ZNF676: variants seen among roughly 807,000 people sequenced by gnomAD.
The protein encoded by ZNF676 is zinc finger protein 676.
A neutral mutation model predicts 6.0 loss-of-function variants in ZNF676; 4 were observed. The ratio of observed to expected loss-of-function variants is 0.67; its 90% CI spans 0.33 to 1.53. The LOEUF is 1.53. Ranked by LOEUF, ZNF676 falls within the 40% of genes most tolerant of loss-of-function variation. The pLI is 0.06. For synonymous variants in ZNF676, 198 were observed against 223.1 expected, an observed-to-expected ratio of 0.89 and a Z score of 1.00; for missense variants, 644 against 679.7, an observed-to-expected ratio of 0.95 and a Z score of 0.58.
the ZNF676 span, among the ~76,000 whole-genome samples, chr19:22,226,065 T>C: frequency 6.6e-6 from 1 of 152,114 alleles, no homozygotes; most frequent in Non-Finnish European, 1.5e-5. Flanking sequence ...ATTAGCTATT[T>C]TTTATATCTA....
chr19:22,250,976 T>C, the ZNF676 span, among the ~76,000 whole-genome samples: 5 of 152,136 alleles, frequency 3.3e-5, no homozygotes, highest in Non-Finnish European at 5.9e-5. Context: ...TCTCCCATAG[T>C]GCTGGGATTA....
Position 22,181,519 on chromosome 19 carries a change from C to A in ZNF676, c.198G>T (p.Met66Ile). The change falls in exon 3 of 3, where the codon ATG (methionine) becomes ATT (isoleucine). Residue 66 changes from methionine to isoleucine, a missense_variant. Transcript: ENST00000397121. ...EQGIEDSFQKMILRRYDKCGH... is the reference protein window; with the variant it reads ...EQGIEDSFQKIILRRYDKCGH... The stretch of plus-strand genomic sequence containing the variant: ...CACATTTGTCATATCTTCTCAATAT[C>A]ATTTTTTGGAAAGAATCTTCTATGC... The A allele has an allele frequency of 6.2e-7, 1 of 1,611,320 alleles. No individual in the cohort carries two copies. Among genetic ancestry groups the A allele is most frequent in the Non-Finnish European group, 8.5e-7 (1 of 1,178,958 alleles).
the ZNF676 span, among the ~76,000 whole-genome samples, chr19:22,259,057 C>CTCA: frequency 0.37 from 56,353 of 151,736 alleles, 11,108 homozygotes; most frequent in Non-Finnish European, 0.45. Flanking sequence ...GAGTCACCAA[C>CTCA]TCATCCTATT....
the ZNF676 span, among the ~76,000 whole-genome samples, chr19:22,228,273 A>G: frequency 1.3e-5 from 2 of 152,192 alleles, no homozygotes; most frequent in African/African-American, 4.8e-5. Flanking sequence ...ATCTCAATAG[A>G]TGCAGAAAAG....
chr19:22,242,622 T>G, the ZNF676 span, among the ~76,000 whole-genome samples: 3 of 152,042 alleles, frequency 2.0e-5, no homozygotes, highest in African/African-American at 7.3e-5. Context: ...CATCCCAATT[T>G]CTTCTTGGAC....
At chr19:22,191,690 T>G (rs2023909286) in intron 2 of ZNF676, among the ~76,000 whole-genome samples, 3 of 152,248 alleles carry the variant, frequency 2.0e-5, no homozygotes, top group South Asian at 4.1e-4. Context: ...TGAAGGATAT[T>G]TACTCTGTCC....
the ZNF676 span, among the ~76,000 whole-genome samples, chr19:22,230,139 A>C: frequency 2.0e-5 from 3 of 152,258 alleles, no homozygotes; most frequent in Admixed American, 2.0e-4. Flanking sequence ...AAAATGTGGC[A>C]CATATACACC....
chr19:22,183,518 A>G (rs1295724290), intron 2 of ZNF676, among the ~76,000 whole-genome samples: 2 of 150,310 alleles, frequency 1.3e-5, no homozygotes, highest in African/African-American at 4.9e-5. Flanking sequence ...ATGTATTTTT[A>G]GTAGAGATGA....
the ZNF676 span, among the ~76,000 whole-genome samples, chr19:22,236,580 T>C: frequency 6.6e-6 from 1 of 152,266 alleles, no homozygotes; most frequent in South Asian, 2.1e-4. Context: ...TTGTCATTAG[T>C]GTAGTGGGCT....
chr19:22,240,092 A>C, the ZNF676 span, among the ~76,000 whole-genome samples: 2 of 152,150 alleles, frequency 1.3e-5, no homozygotes, highest in African/African-American at 4.8e-5. Flanking sequence ...CATCACATAA[A>C]TGCTGGGCCT....
the ZNF676 span, among the ~76,000 whole-genome samples, chr19:22,227,912 C>A: frequency 6.6e-6 from 1 of 152,160 alleles, no homozygotes; most frequent in Non-Finnish European, 1.5e-5. Context: ...GATTCACAGC[C>A]ATATTCTACC....
At chr19:22,239,575 G>C in the ZNF676 span, among the ~76,000 whole-genome samples, 2 of 152,184 alleles carry the variant, frequency 1.3e-5, no homozygotes, top group East Asian at 3.9e-4. Flanking sequence ...AGCTTTGTCT[G>C]CGTATTAAAG....
At chr19:22,255,613 A>T in the ZNF676 span, among the ~76,000 whole-genome samples, 1 of 152,148 alleles carries the variant, frequency 6.6e-6, no homozygotes, top group Non-Finnish European at 1.5e-5. Context: ...TGGGAGGCTG[A>T]GGTGGGTGAA....
chr19:22,235,999 C>T, the ZNF676 span, among the ~76,000 whole-genome samples: 1 of 150,720 alleles, frequency 6.6e-6, no homozygotes, highest in Non-Finnish European at 1.5e-5. Flanking sequence ...TACGATAATC[C>T]ACTGTCATTC....
chr19:22,224,762 A>G, the ZNF676 span, among the ~76,000 whole-genome samples: 1 of 152,174 alleles, frequency 6.6e-6, no homozygotes, highest in Non-Finnish European at 1.5e-5. Context: ...CGAGAGGTCA[A>G]AACAGAAGGA....
At chr19:22,228,015 A>C in the ZNF676 span, among the ~76,000 whole-genome samples, 1 of 152,226 alleles carries the variant, frequency 6.6e-6, no homozygotes, top group Non-Finnish European at 1.5e-5. Context: ...TTGGGCCAGC[A>C]TCATCCTGAT....
At chr19:22,235,535 G>A in the ZNF676 span, among the ~76,000 whole-genome samples, 13 of 152,268 alleles carry the variant, frequency 8.5e-5, no homozygotes, top group Middle Eastern at 3.4e-3. Flanking sequence ...GACAGGCCCT[G>A]GACCACTGGA....
the ZNF676 span, among the ~76,000 whole-genome samples, chr19:22,248,216 A>G: frequency 6.6e-6 from 1 of 152,160 alleles, no homozygotes; most frequent in Non-Finnish European, 1.5e-5. Flanking sequence ...ATATGTGTGC[A>G]TGTGTCTTTA....
intron 1 of ZNF676, among the ~76,000 whole-genome samples, chr19:22,207,201 T>C (rs1376702091): frequency 6.6e-6 from 1 of 152,154 alleles, no homozygotes; most frequent in Non-Finnish European, 1.5e-5. Context: ...ACCCATATAC[T>C]CTCAGCAGAA....
Sources: gnomAD v4.1 joint callset for allele counts (sites outside exome capture counted in the v4.1 genomes callset) on GRCh38, gnomAD v4.1.1 for gene constraint, MANE v1.5 for transcripts, NCBI Gene and HGNC (gene_info 2026-07-23, HGNC 2026-07-21) for gene names.